FSIP1: variants seen among roughly 807,000 people sequenced by gnomAD.
FSIP1 encodes fibrous sheath interacting protein 1.
Under a neutral mutation model 60.9 loss-of-function variants are expected in FSIP1, and 65 were observed. The observed-to-expected ratio is 1.07, with a 90% confidence interval of 0.87 to 1.31. The LOEUF is 1.31. Ranked by LOEUF, FSIP1 falls within the 40% of genes most tolerant of loss-of-function variation. FSIP1 has a pLI of 0.00. For missense variants in FSIP1, 675 were observed against 665.5 expected (o/e 1.01, Z -0.16); for synonymous variants, 209 against 221.2 (o/e 0.94, Z 0.49).
intron 10 of FSIP1, among the ~76,000 whole-genome samples, chr15:39,659,558 C>CTGAAT (rs1893210054): frequency 1.4e-5 from 2 of 140,578 alleles, no homozygotes; most frequent in Admixed American, 7.2e-5. Context: ...AAAAAAAACA[C>CTGAAT]TGAATTGCAC....
intron 10 of FSIP1, among the ~76,000 whole-genome samples, chr15:39,693,920 T>C (rs986873563): frequency 6.6e-6 from 1 of 152,118 alleles, no homozygotes; most frequent in African/African-American, 2.4e-5. Flanking sequence ...CATAGAAGAA[T>C]AGATTTTAAA....
rs558486188 is a variant in FSIP1 at position 39,686,204 on chromosome 15, C to A, written c.1188+27240G>T. 1.7e-3 allele frequency among the ~76,000 whole-genome samples: 265 copies of A among 152,296 alleles called. 2 individuals carry two copies. In the South Asian group the frequency reaches 0.021, roughly 12 times the overall value. On this transcript the variant is annotated intron_variant, in intron 10 of 11. Transcript: ENST00000350221. ...CCACTGGCAAGAAAGAGAACACAGACGTGATTATGTGACCACTAGGTGGCA... is the reference window on the plus strand; with the variant it reads ...CCACTGGCAAGAAAGAGAACACAGAAGTGATTATGTGACCACTAGGTGGCA...
chr15:39,714,626 C>G (rs966957535), intron 9 of FSIP1, among the ~76,000 whole-genome samples: 1 of 151,238 alleles, frequency 6.6e-6, no homozygotes, highest in African/African-American at 2.4e-5. Context: ...CTCCAGAGCC[C>G]AGGAAAAAAT....
intron 10 of FSIP1, among the ~76,000 whole-genome samples, chr15:39,712,551 T>C (rs1202810950): frequency 2.0e-5 from 3 of 152,130 alleles, no homozygotes; most frequent in Admixed American, 6.5e-5. Context: ...TCAAAGAAGC[T>C]TGAAGATCAC....
intron 11 of FSIP1, among the ~76,000 whole-genome samples, chr15:39,601,289 C>T (rs1307080804): frequency 2.0e-5 from 3 of 152,084 alleles, no homozygotes; most frequent in Admixed American, 6.5e-5. Context: ...AAGAGCTGAT[C>T]GCCTTTCATT....
At chr15:39,636,459 G>T (rs1892142801) in intron 10 of FSIP1, among the ~76,000 whole-genome samples, 1 of 152,172 alleles carries the variant, frequency 6.6e-6, no homozygotes, top group Non-Finnish European at 1.5e-5. Context: ...TTACACATCT[G>T]GGAGTAGGGC....
intron 11 of FSIP1, among the ~76,000 whole-genome samples, chr15:39,614,211 CAA>C (rs35578615): frequency 6.6e-6 from 1 of 150,498 alleles, no homozygotes; most frequent in Non-Finnish European, 1.5e-5. Flanking sequence ...TCAGAAGTGA[CAA>C]AAAAAAATCA....
chr15:39,653,887 C>T (rs1892972319), intron 10 of FSIP1, among the ~76,000 whole-genome samples: 1 of 152,210 alleles, frequency 6.6e-6, no homozygotes, highest in Non-Finnish European at 1.5e-5. Context: ...ATGCCTTCAT[C>T]AGCAGCGTGA....
rs143873580 is a variant in FSIP1 at position 39,701,600 on chromosome 15, G to C, written c.1188+11844C>G. On this transcript the variant is annotated intron_variant, in intron 10 of 11. Transcript: ENST00000350221. ...AGGATCAAGGAAGGTCTAACTCCAA[G>C]AATGTCCACTTAACGTTATATTTTC... 1.8e-4 allele frequency among the ~76,000 whole-genome samples: 28 copies of C among 152,256 alleles called. No individual in the cohort carries two copies. The East Asian group carries it at 5.2e-3, about 28-fold the overall frequency.
chr15:39,651,256 G>A (rs998378138), intron 10 of FSIP1, among the ~76,000 whole-genome samples: 1 of 152,126 alleles, frequency 6.6e-6, no homozygotes, highest in Non-Finnish European at 1.5e-5. Context: ...AGAGCCCACT[G>A]GAAAAAGATC....
At chr15:39,632,790 C>CA (rs969509708) in intron 10 of FSIP1, among the ~76,000 whole-genome samples, 14 of 149,150 alleles carry the variant, frequency 9.4e-5, no homozygotes, top group South Asian at 4.2e-4. Flanking sequence ...GACTCTGTCT[C>CA]AAAAAAAAAT....
chr15:39,709,644 C>T (rs1030272604), intron 10 of FSIP1, among the ~76,000 whole-genome samples: 2 of 152,042 alleles, frequency 1.3e-5, no homozygotes, highest in Admixed American at 6.6e-5. Flanking sequence ...GTCCCCAACC[C>T]TTTAGGCAAT....
At chr15:39,770,641 C>G (rs1236923182) in intron 2 of FSIP1, 31 bp from the exon 3 acceptor site, 1 of 1,347,254 alleles carries the variant, frequency 7.4e-7, no homozygotes, top group South Asian at 1.8e-5. Context: ...AAAACAGTTT[C>G]CGAAAATACT....
chr15:39,674,200 A>G lies in FSIP1; in HGVS notation c.1188+39244T>C, dbSNP rs369342751. ...CTACCAAGTAGCTGGGACTACAGGC[A>G]CCCACCACCACACCCAGCTAATTTT... On this transcript the variant is annotated intron_variant, in intron 10 of 11. Coordinates refer to ENST00000350221, the MANE Select transcript of FSIP1 (RefSeq NM_152597.5). Among the ~76,000 whole-genome samples the G allele has an allele frequency of 6.4e-4, 98 of 151,994 alleles. 1 individual carries two copies. Among genetic ancestry groups the G allele is most frequent in the East Asian group, 1.7e-3 (9 of 5,156 alleles).
intron 5 of FSIP1, among the ~76,000 whole-genome samples, chr15:39,753,370 G>A (rs967543438): frequency 1.3e-5 from 2 of 151,896 alleles, no homozygotes; most frequent in African/African-American, 2.4e-5. Flanking sequence ...CACATACATC[G>A]ACTCTCCACC....
At chr15:39,767,993 G>A (rs1035852162) in intron 3 of FSIP1, among the ~76,000 whole-genome samples, 2 of 152,240 alleles carry the variant, frequency 1.3e-5, no homozygotes, top group African/African-American at 4.8e-5. Context: ...GCCGCCAGCA[G>A]ACGGCAAAGC....
intron 10 of FSIP1, among the ~76,000 whole-genome samples, chr15:39,667,595 G>T (rs1893547885): frequency 6.6e-6 from 1 of 152,210 alleles, no homozygotes; most frequent in Non-Finnish European, 1.5e-5. Context: ...GAAGCTTGCT[G>T]AGGGAAACAG....
intron 10 of FSIP1, among the ~76,000 whole-genome samples, chr15:39,627,496 G>C (rs1217341758): frequency 6.6e-6 from 1 of 152,230 alleles, no homozygotes; most frequent in Non-Finnish European, 1.5e-5. Flanking sequence ...TTTGACCAAG[G>C]GGAGAGGGAA....
chr15:39,731,421 T>C (rs1896398746), intron 8 of FSIP1, among the ~76,000 whole-genome samples: 1 of 151,990 alleles, frequency 6.6e-6, no homozygotes, highest in Non-Finnish European at 1.5e-5. Context: ...TGATAAAAAA[T>C]AAAGAATCAC....
Sources: allele counts gnomAD v4.1 joint callset (sites outside exome capture counted in the v4.1 genomes callset), GRCh38; gene constraint gnomAD v4.1.1; transcripts MANE v1.5; gene names NCBI Gene and HGNC (gene_info 2026-07-23, HGNC 2026-07-21).